Variants in EYS observed in about 807,000 individuals in gnomAD.
EYS encodes protein eyes shut homolog.
EYS carries 250 observed loss-of-function variants against 282.1 expected under a neutral mutation model. The observed-to-expected ratio is 0.89, with a 90% CI of 0.80 to 0.98. The LOEUF is 0.98. EYS is among the 50% of genes least tolerant of loss of function. The pLI is 0.00. For missense variants in EYS, 4,016 were observed against 3,709.0 expected, an observed-to-expected ratio of 1.08 and a Z score of -2.15; for synonymous variants, 1,355 against 1,282.9, an observed-to-expected ratio of 1.06 and a Z score of -1.20.
chr6:65,140,905 T>G (rs2150208564), intron 12 of EYS, among the ~76,000 whole-genome samples: 1 of 149,598 alleles, frequency 6.7e-6, no homozygotes, highest in East Asian at 2.0e-4. Context: ...GACTGTAAAC[T>G]AGTTCAACCA....
At chr6:64,688,180 C>T (rs1003382264) in intron 22 of EYS, among the ~76,000 whole-genome samples, 7 of 151,676 alleles carry the variant, frequency 4.6e-5, no homozygotes, top group African/African-American at 7.3e-5. Flanking sequence ...AAACAGCTCC[C>T]GGATTCATTG....
chr6:65,700,298 C>A (rs1340804791), intron 1 of EYS, among the ~76,000 whole-genome samples: 1 of 151,640 alleles, frequency 6.6e-6, no homozygotes, highest in African/African-American at 2.4e-5. Flanking sequence ...TCAACTAAGA[C>A]CGTGACAGTG....
intron 13 of EYS, among the ~76,000 whole-genome samples, chr6:65,052,946 G>C (rs1055843752): frequency 6.6e-6 from 1 of 151,600 alleles, no homozygotes; most frequent in Non-Finnish European, 1.5e-5. Flanking sequence ...GAAGAAAAAA[G>C]ATTCTACAGA....
At chr6:65,037,796 T>C (rs1291411215) in intron 13 of EYS, among the ~76,000 whole-genome samples, 1 of 151,734 alleles carries the variant, frequency 6.6e-6, no homozygotes, top group African/African-American at 2.4e-5. Flanking sequence ...TCTTATCCAA[T>C]CATCCAAAGT....
intron 19 of EYS, among the ~76,000 whole-genome samples, chr6:64,860,095 G>T (rs1389633169): frequency 6.6e-6 from 1 of 152,112 alleles, no homozygotes; most frequent in Non-Finnish European, 1.5e-5. Flanking sequence ...GGATCCAGTG[G>T]TGCATCTTAT....
intron 29 of EYS, among the ~76,000 whole-genome samples, chr6:64,312,341 C>T (rs977895429): frequency 6.6e-6 from 1 of 152,140 alleles, no homozygotes; most frequent in Admixed American, 6.5e-5. Context: ...TTCCTCCTCT[C>T]TGGGCAGGGC....
intron 12 of EYS, among the ~76,000 whole-genome samples, chr6:65,086,537 G>A (rs1415249764): frequency 6.6e-6 from 1 of 152,128 alleles, no homozygotes; most frequent in Non-Finnish European, 1.5e-5. Context: ...GGGAATGGAA[G>A]CAGAGATATT....
At chr6:64,699,097 T>A (rs111982272) in intron 22 of EYS, among the ~76,000 whole-genome samples, 4,342 of 152,126 alleles carry the variant, frequency 0.029, 130 homozygotes, top group East Asian at 0.14. Context: ...ACAGATCGGA[T>A]AAAGAAAATG....
chr6:64,161,242 G>T (rs190091523), intron 31 of EYS, among the ~76,000 whole-genome samples: 141 of 152,242 alleles, frequency 9.3e-4, no homozygotes, highest in Non-Finnish European at 1.5e-3. Context: ...GCTGGGTGAG[G>T]TGACAGACCA....
chr6:63,848,924 G>T (rs924680287), intron 36 of EYS, among the ~76,000 whole-genome samples: 1 of 152,222 alleles, frequency 6.6e-6, no homozygotes, highest in African/African-American at 2.4e-5. Flanking sequence ...AGCAAGCTAA[G>T]ATCCACTGGC....
chr6:63,948,702 A>T (rs575094422), intron 35 of EYS, among the ~76,000 whole-genome samples: 1 of 152,108 alleles, frequency 6.6e-6, no homozygotes, highest in African/African-American at 2.4e-5. Flanking sequence ...TTCAGTCAAG[A>T]GTATTCTATT....
At chr6:64,706,599 TCAAA>T (rs1239809498) in intron 22 of EYS, among the ~76,000 whole-genome samples, 1 of 151,622 alleles carries the variant, frequency 6.6e-6, no homozygotes, top group Admixed American at 6.6e-5. Flanking sequence ...TACAAGCAAC[TCAAA>T]CAAATCAGCA....
chr6:63,833,792 C>T (rs188157616), intron 36 of EYS, among the ~76,000 whole-genome samples: 53 of 152,282 alleles, frequency 3.5e-4, no homozygotes, highest in Admixed American at 3.3e-3. Flanking sequence ...AAGCATCACG[C>T]TACAGGACTT....
intron 29 of EYS, among the ~76,000 whole-genome samples, chr6:64,364,975 TG>T (rs1772140693): frequency 6.6e-6 from 1 of 152,034 alleles, no homozygotes; most frequent in African/African-American, 2.4e-5. Flanking sequence ...TATAAGTTTT[TG>T]TTTTTTTTAC....
intron 35 of EYS, among the ~76,000 whole-genome samples, chr6:63,873,547 T>G (rs574976035): frequency 6.6e-6 from 1 of 152,330 alleles, no homozygotes; most frequent in East Asian, 1.9e-4. Flanking sequence ...CAAATGGGAT[T>G]TCTAGTTCTA....
chr6:64,368,125 CTGT>C (rs1267708340), intron 29 of EYS, among the ~76,000 whole-genome samples: 1 of 152,068 alleles, frequency 6.6e-6, no homozygotes, highest in African/African-American at 2.4e-5. Flanking sequence ...GTCCTGGTGT[CTGT>C]TGTTCTCGTC....
chr6:64,912,274 C>G (rs190144933), intron 16 of EYS, among the ~76,000 whole-genome samples: 2 of 152,132 alleles, frequency 1.3e-5, no homozygotes, highest in East Asian at 3.9e-4. Context: ...TCTTTTCCCT[C>G]TTCCCAATGG....
intron 22 of EYS, among the ~76,000 whole-genome samples, chr6:64,719,103 CG>C (rs1771489565): frequency 6.6e-6 from 1 of 152,042 alleles, no homozygotes; most frequent in East Asian, 1.9e-4. Flanking sequence ...AAGATGAAGG[CG>C]GGCAAGTGAT....
intron 22 of EYS, among the ~76,000 whole-genome samples, chr6:64,790,167 T>C (rs912991491): frequency 2.0e-5 from 3 of 151,972 alleles, no homozygotes; most frequent in Admixed American, 2.0e-4. Context: ...AGGAAAAGAA[T>C]AGGCTGTATG....
Sources: gnomAD v4.1 joint callset for allele counts (sites outside exome capture counted in the v4.1 genomes callset) on GRCh38, gnomAD v4.1.1 for gene constraint, MANE v1.5 for transcripts, NCBI Gene and HGNC (gene_info 2026-07-23, HGNC 2026-07-21) for gene names.